The following CTNNA3 variants were observed in gnomAD, a reference collection of about 807,000 sequenced individuals.
CTNNA3 encodes the protein catenin alpha 3, also known as catenin alpha-3.
In CTNNA3, 76 loss-of-function variants were observed where a neutral mutation model predicts 95.7. The observed-to-expected ratio is 0.79, with a 90% confidence interval of 0.66 to 0.96. CTNNA3 has a LOEUF of 0.96. Among genes scored for constraint, CTNNA3 ranks in the 40% least tolerant of loss-of-function variants. The probability of loss-of-function intolerance (pLI) is 0.00; values close to 1 mark genes in which losing one functional copy is unlikely to be tolerated. For missense variants in CTNNA3, 1,191 were observed against 1,089.8 expected (o/e 1.09, Z -1.31); for synonymous variants, 431 against 374.4 (o/e 1.15, Z -1.74).
chr10:67,197,828 T>C (rs576762960), intron 6 of CTNNA3, among the ~76,000 whole-genome samples: 4 of 152,280 alleles, frequency 2.6e-5, no homozygotes, highest in Admixed American at 2.0e-4. Context: ...AAAAAATTGC[T>C]GTAGTCACTG....
intron 17 of CTNNA3, among the ~76,000 whole-genome samples, chr10:65,922,823 G>C (rs549911433): frequency 5.1e-4 from 77 of 152,220 alleles, no homozygotes; most frequent in African/African-American, 1.7e-3. Flanking sequence ...ATTTATAAAG[G>C]AAAGAGGTTT....
intron 13 of CTNNA3, among the ~76,000 whole-genome samples, chr10:66,280,122 C>A (rs908022872): frequency 1.3e-5 from 2 of 152,008 alleles, no homozygotes; most frequent in Non-Finnish European, 2.9e-5. Context: ...AGATTCTTTC[C>A]TTTTTGTTCA....
chr10:67,459,624 A>G (rs1197426310), intron 5 of CTNNA3, among the ~76,000 whole-genome samples: 2 of 152,208 alleles, frequency 1.3e-5, no homozygotes, highest in Non-Finnish European at 2.9e-5. Flanking sequence ...CCTGAAAACT[A>G]GTTTCACTAT....
intron 6 of CTNNA3, among the ~76,000 whole-genome samples, chr10:67,216,952 T>C: frequency 6.6e-6 from 1 of 152,208 alleles, no homozygotes; most frequent in Non-Finnish European, 1.5e-5. Flanking sequence ...CACACTGGCC[T>C]TTCCAATAAA....
chr10:67,204,519 T>G (rs1311123389), intron 6 of CTNNA3, among the ~76,000 whole-genome samples: 1 of 152,164 alleles, frequency 6.6e-6, no homozygotes, highest in Non-Finnish European at 1.5e-5. Context: ...ATTAAACCTG[T>G]TTTCTTTATA....
intron 12 of CTNNA3, among the ~76,000 whole-genome samples, chr10:66,328,925 T>C (rs1050072417): frequency 7.9e-6 from 1 of 127,228 alleles, no homozygotes; most frequent in African/African-American, 2.8e-5. Context: ...TATATATATA[T>C]ATATATATAC....
At chr10:66,136,579 A>T (rs1431775656) in intron 13 of CTNNA3, among the ~76,000 whole-genome samples, 1 of 152,078 alleles carries the variant, frequency 6.6e-6, no homozygotes, top group Non-Finnish European at 1.5e-5. Context: ...ACTTTTCTCC[A>T]TCACTTTCTG....
chr10:67,703,612 G>A (rs1006886472), intron 1 of CTNNA3, among the ~76,000 whole-genome samples: 3 of 152,112 alleles, frequency 2.0e-5, no homozygotes, highest in Non-Finnish European at 4.4e-5. Context: ...ATTAGGTATC[G>A]ATGGGATGTA....
intron 12 of CTNNA3, among the ~76,000 whole-genome samples, chr10:66,305,104 T>C (rs1261342947): frequency 6.6e-6 from 1 of 152,068 alleles, no homozygotes. Context: ...ATAAAAGCCC[T>C]GATTTCGGCT....
intron 5 of CTNNA3, among the ~76,000 whole-genome samples, chr10:67,286,209 C>G (rs375417804): frequency 9.5e-4 from 144 of 152,288 alleles, no homozygotes; most frequent in African/African-American, 3.2e-3. Context: ...AAGAAACCAG[C>G]AAATAACCCT....
chr10:67,231,246 C>G (rs1865193583), intron 5 of CTNNA3, among the ~76,000 whole-genome samples: 1 of 152,234 alleles, frequency 6.6e-6, no homozygotes, highest in African/African-American at 2.4e-5. Flanking sequence ...AGAAAGACAG[C>G]AGTAACCTCT....
At chr10:67,429,244 T>C (rs1846026747) in intron 5 of CTNNA3, among the ~76,000 whole-genome samples, 3 of 152,062 alleles carry the variant, frequency 2.0e-5, no homozygotes, top group Non-Finnish European at 4.4e-5. Flanking sequence ...TTTTCTCAAA[T>C]GCTTTCATTA....
intron 7 of CTNNA3, among the ~76,000 whole-genome samples, chr10:67,078,635 G>A (rs1856867344): frequency 6.6e-6 from 1 of 151,970 alleles, no homozygotes. Context: ...TCCTGCCTCA[G>A]CCTCCCAAGT....
At chr10:66,664,540 C>A (rs920817852) in intron 9 of CTNNA3, among the ~76,000 whole-genome samples, 1 of 151,940 alleles carries the variant, frequency 6.6e-6, no homozygotes, top group Admixed American at 6.6e-5. Flanking sequence ...CTTGTCAGGC[C>A]CTTTGGGAAA....
intron 17 of CTNNA3, among the ~76,000 whole-genome samples, chr10:65,936,095 T>C (rs1461564479): frequency 6.6e-6 from 1 of 152,132 alleles, no homozygotes; most frequent in African/African-American, 2.4e-5. Flanking sequence ...GGAAGACAAA[T>C]GACTAACTCC....
At chr10:67,178,143 G>C (rs1236689073) in intron 7 of CTNNA3, among the ~76,000 whole-genome samples, 2 of 152,074 alleles carry the variant, frequency 1.3e-5, no homozygotes, top group Non-Finnish European at 2.9e-5. Context: ...CTCCCACCCA[G>C]TGATTACTGC....
At chr10:66,199,826 T>A (rs1444411449) in intron 13 of CTNNA3, among the ~76,000 whole-genome samples, 3 of 102,202 alleles carry the variant, frequency 2.9e-5, no homozygotes. Flanking sequence ...TTTTTTTTTT[T>A]TTTTTTTAGT....
At chr10:67,129,691 AT>A (rs1859896366) in intron 7 of CTNNA3, among the ~76,000 whole-genome samples, 1 of 152,140 alleles carries the variant, frequency 6.6e-6, no homozygotes, top group Non-Finnish European at 1.5e-5. Context: ...TTACTTCCTT[AT>A]GCCCTGTATG....
intron 17 of CTNNA3, among the ~76,000 whole-genome samples, chr10:65,940,530 G>C (rs1051813281): frequency 6.6e-6 from 1 of 152,168 alleles, no homozygotes; most frequent in African/African-American, 2.4e-5. Context: ...GCAGAGACTA[G>C]ATGATATTTG....
Sources: allele counts gnomAD v4.1 joint callset (sites outside exome capture counted in the v4.1 genomes callset), GRCh38; gene constraint gnomAD v4.1.1; transcripts MANE v1.5; gene names NCBI Gene and HGNC (gene_info 2026-07-23, HGNC 2026-07-21).